Variants in TCF12 observed in about 807,000 individuals in gnomAD.
TCF12 encodes the protein transcription factor 12.
In TCF12, 45 loss-of-function variants were observed where a neutral mutation model predicts 86.0. That is an observed-to-expected ratio of 0.52 (90% CI 0.41 to 0.67). The LOEUF is 0.67. Among genes scored for constraint, TCF12 ranks in the 30% least tolerant of loss-of-function variants. The pLI, the probability that TCF12 is intolerant of heterozygous loss-of-function variation, is 0.00. For synonymous variants in TCF12, 330 were observed against 299.6 expected, an observed-to-expected ratio of 1.10 and a Z score of -1.05; for missense variants, 881 against 859.9, an observed-to-expected ratio of 1.02 and a Z score of -0.31.
chr15:56,924,527 A>C (rs148807317), intron 3 of TCF12, among the ~76,000 whole-genome samples: 147 of 152,338 alleles, frequency 9.6e-4, no homozygotes, highest in African/African-American at 3.4e-3. Flanking sequence ...AGAGGAAACC[A>C]GGTTTGACCT....
chr15:57,098,288 C>G (rs527265226), intron 5 of TCF12, among the ~76,000 whole-genome samples: 3 of 152,250 alleles, frequency 2.0e-5, no homozygotes, highest in East Asian at 3.9e-4. Context: ...TGCTTTTTTC[C>G]TCTTTTTAAC....
intron 3 of TCF12, among the ~76,000 whole-genome samples, chr15:57,018,080 G>A (rs1396713497): frequency 6.6e-6 from 1 of 152,082 alleles, no homozygotes; most frequent in African/African-American, 2.4e-5. Context: ...CTAAAGTGTC[G>A]ACCTAAAAGG....
At chr15:57,234,973 C>G (rs77378370) in intron 12 of TCF12, among the ~76,000 whole-genome samples, 1 of 152,084 alleles carries the variant, frequency 6.6e-6, no homozygotes, top group African/African-American at 2.4e-5. Flanking sequence ...AGGCAGAGCA[C>G]GTTAATACCT....
At chr15:57,261,301 T>G (rs1285709116) in intron 16 of TCF12, among the ~76,000 whole-genome samples, 1 of 152,214 alleles carries the variant, frequency 6.6e-6, no homozygotes, top group Non-Finnish European at 1.5e-5. Context: ...CTATTCTAAT[T>G]AGATCTACTA....
chr15:57,104,245 TTAAA>T (rs1448935926), intron 5 of TCF12, among the ~76,000 whole-genome samples: 3 of 152,028 alleles, frequency 2.0e-5, no homozygotes, highest in South Asian at 2.1e-4. Context: ...AAAAAAATAC[TTAAA>T]TAAGACTATC....
chr15:57,201,376 G>C (rs1265809607), intron 8 of TCF12, among the ~76,000 whole-genome samples: 1 of 152,152 alleles, frequency 6.6e-6, no homozygotes, highest in Non-Finnish European at 1.5e-5. Context: ...AGGAAGAGTT[G>C]ACATTTAAGT....
intron 20 of TCF12, among the ~76,000 whole-genome samples, chr15:57,283,021 C>G (rs1359550940): frequency 2.6e-5 from 4 of 152,136 alleles, no homozygotes; most frequent in Admixed American, 6.5e-5. Context: ...TGTCATGAAG[C>G]CTTTATACAT....
intron 3 of TCF12, among the ~76,000 whole-genome samples, chr15:56,932,797 C>A (rs1019288529): frequency 1.3e-5 from 2 of 152,116 alleles, no homozygotes; most frequent in Non-Finnish European, 2.9e-5. Context: ...ATTCTGCCCA[C>A]CTTGGCCTCC....
chr15:57,170,705 A>ATT (rs1491151079), intron 6 of TCF12, among the ~76,000 whole-genome samples: 1,377 of 36,510 alleles, frequency 0.038, 120 homozygotes, highest in African/African-American at 0.25. Flanking sequence ...TATTATATAT[A>ATT]ATATATAATA....
At chr15:57,053,022 A>G (rs1195797601) in intron 3 of TCF12, among the ~76,000 whole-genome samples, 6 of 152,164 alleles carry the variant, frequency 3.9e-5, no homozygotes, top group Non-Finnish European at 8.8e-5. Flanking sequence ...TTTAATTTTT[A>G]AAGCAACCTC....
intron 3 of TCF12, among the ~76,000 whole-genome samples, chr15:57,049,581 C>G (rs560922136): frequency 1.2e-3 from 179 of 152,268 alleles, no homozygotes; most frequent in African/African-American, 4.2e-3. Flanking sequence ...TTCATTGTAT[C>G]AATAAACCAT....
rs565442445 is a variant in TCF12, at chr15:57,152,777, A to C, written c.326-13625A>C. The stretch of plus-strand genomic sequence containing the variant: ...ATGCAGAAGAAATATTTGAAGAGAT[A>C]ATGGCCAAGAATTTCCCAAAAGCAA... On this transcript the variant is annotated intron_variant, in intron 5 of 20. Transcript: ENST00000333725. Among the ~76,000 whole-genome samples the C allele has an allele frequency of 1.9e-3, 292 of 152,278 alleles. 2 individuals carry two copies. Among genetic ancestry groups the C allele is most frequent in the Non-Finnish European group, 3.5e-3 (239 of 68,016 alleles).
chr15:57,169,756 C>G (rs1473211898), intron 6 of TCF12, among the ~76,000 whole-genome samples: 1 of 152,054 alleles, frequency 6.6e-6, no homozygotes, highest in East Asian at 1.9e-4. Context: ...ATAGTTCATG[C>G]TTATATTAAT....
chr15:56,980,692 A>G (rs1273418363), intron 3 of TCF12, among the ~76,000 whole-genome samples: 1 of 152,212 alleles, frequency 6.6e-6, no homozygotes, highest in Admixed American at 6.5e-5. Flanking sequence ...TGTGACAGCC[A>G]GATCAGTTGT....
intron 9 of TCF12, among the ~76,000 whole-genome samples, 173 bp from the exon 10 acceptor site, chr15:57,232,118 C>T (rs1461027883): frequency 1.3e-5 from 2 of 152,000 alleles, no homozygotes; most frequent in East Asian, 3.9e-4. Flanking sequence ...ATGTTAATTT[C>T]TTCTTTTTAA....
intron 6 of TCF12, among the ~76,000 whole-genome samples, chr15:57,185,111 C>T (rs2056591309): frequency 6.6e-6 from 1 of 151,996 alleles, no homozygotes; most frequent in African/African-American, 2.4e-5. Flanking sequence ...ATTATATTGC[C>T]TGGTAATTGA....
intron 5 of TCF12, among the ~76,000 whole-genome samples, chr15:57,096,494 G>T (rs750441632): frequency 1.3e-5 from 2 of 151,986 alleles, no homozygotes; most frequent in Non-Finnish European, 2.9e-5. Flanking sequence ...GTGAGGGATT[G>T]GGTCCCCTGA....
At chr15:57,137,200 T>C (rs1180776394) in intron 5 of TCF12, among the ~76,000 whole-genome samples, 1 of 152,076 alleles carries the variant, frequency 6.6e-6, no homozygotes. Context: ...AGTCTCAAGG[T>C]CTCAATCTCC....
At chr15:57,276,115 TAGTC>T (rs1281693643) in intron 19 of TCF12, among the ~76,000 whole-genome samples, 1 of 152,260 alleles carries the variant, frequency 6.6e-6, no homozygotes, top group African/African-American at 2.4e-5. Context: ...CAGGTCAGCT[TAGTC>T]AGGTCACTGT....
Sources: allele counts gnomAD v4.1 joint callset (sites outside exome capture counted in the v4.1 genomes callset), GRCh38; gene constraint gnomAD v4.1.1; transcripts MANE v1.5; gene names NCBI Gene and HGNC (gene_info 2026-07-23, HGNC 2026-07-21).